The following ADGRG2 variants were observed in gnomAD, a reference collection of about 807,000 sequenced individuals.
The protein encoded by ADGRG2 is G protein-coupled receptor 64.
ADGRG2 carries 26 observed loss-of-function variants against 74.1 expected under a neutral mutation model. The ratio of observed to expected loss-of-function variants is 0.35; its 90% CI spans 0.26 to 0.49. The LOEUF (loss-of-function observed/expected upper bound fraction) is 0.49. Ranked by LOEUF, ADGRG2 falls within the 20% of genes least tolerant of loss-of-function variation. ADGRG2 has a pLI of 0.99. For synonymous variants in ADGRG2, 296 were observed against 295.2 expected, an observed-to-expected ratio of 1.00 and a Z score of -0.03; for missense variants, 619 against 763.1, an observed-to-expected ratio of 0.81 and a Z score of 2.22.
intron 2 of ADGRG2, among the ~76,000 whole-genome samples, chrX:19,071,480 T>C (rs1449420827): frequency 8.9e-6 from 1 of 111,791 alleles, no homozygotes; most frequent in Non-Finnish European, 1.9e-5. Context: ...ACAATCTCAG[T>C]GCAGCTCAGA....
At chrX:19,120,873 ATTTC>A (rs1484498022) in intron 1 of ADGRG2, among the ~76,000 whole-genome samples, 3 of 112,253 alleles carry the variant, frequency 2.7e-5, no homozygotes, top group African/African-American at 6.5e-5. Flanking sequence ...CCCAAAATAT[ATTTC>A]TTTGACATAT....
At chrX:19,080,189 C>T (rs192948413) in intron 2 of ADGRG2, among the ~76,000 whole-genome samples, 66 of 110,779 alleles carry the variant, frequency 6.0e-4, no homozygotes, top group African/African-American at 1.3e-3. Flanking sequence ...GGATTCTAGA[C>T]GTGAGCCACC....
intron 2 of ADGRG2, among the ~76,000 whole-genome samples, chrX:19,073,835 T>C (rs138830634): frequency 1.3e-4 from 15 of 111,834 alleles, no homozygotes; most frequent in African/African-American, 4.9e-4. Flanking sequence ...ATAAGAGGTA[T>C]GATAATTGTT....
chrX:19,024,601 T>C (rs2060661352), intron 11 of ADGRG2, among the ~76,000 whole-genome samples: 1 of 112,036 alleles, frequency 8.9e-6, no homozygotes, highest in African/African-American at 3.2e-5. Context: ...CTGGAGACAT[T>C]TTTGGTTGTT....
At chrX:18,995,816 G>T (rs1882745096) in intron 27 of ADGRG2, among the ~76,000 whole-genome samples, 1 of 112,132 alleles carries the variant, frequency 8.9e-6, no homozygotes, top group Non-Finnish European at 1.9e-5. Context: ...CTTCATTGAA[G>T]AGGCAGCCAG....
intron 14 of ADGRG2, 22 bp from the exon 15 acceptor site, chrX:19,019,687 G>A (rs371423007): frequency 2.0e-6 from 2 of 1,009,201 alleles, no homozygotes; most frequent in Non-Finnish European, 2.8e-6. Flanking sequence ...AAAAGGAAAA[G>A]GAGTAAGAAA....
chrX:19,047,907 A>G (rs1335239784), intron 3 of ADGRG2, among the ~76,000 whole-genome samples: 1 of 111,683 alleles, frequency 9.0e-6, no homozygotes, highest in Non-Finnish European at 1.9e-5. Flanking sequence ...ACACTGCTCA[A>G]TAAGTACTCT....
At chrX:19,050,209 T>G (rs2146814121) in intron 3 of ADGRG2, among the ~76,000 whole-genome samples, 1 of 111,480 alleles carries the variant, frequency 9.0e-6, no homozygotes, top group South Asian at 3.8e-4. Flanking sequence ...CAAAGAGACC[T>G]CTGAGAAGCA....
At chrX:19,023,554 A>G (rs1056900619) in intron 12 of ADGRG2, 101 bp from the exon 13 acceptor site, 2 of 499,506 alleles carry the variant, frequency 4.0e-6, no homozygotes, top group African/African-American at 4.8e-5. Context: ...TTTTAGAATC[A>G]CGAGAGCCCT....
At chrX:18,996,190 T>C in intron 26 of ADGRG2, 38 bp from the exon 27 acceptor site, 1 of 648,025 alleles carries the variant, frequency 1.5e-6, no homozygotes, top group Non-Finnish European at 2.6e-6. Context: ...AATTCCAAGC[T>C]AATAGCTGAA....
Position 19,041,730 on chromosome X carries a change from T to G in ADGRG2, c.119-1506A>C, listed in dbSNP as rs182056849. 4.5e-5 allele frequency among the ~76,000 whole-genome samples: 5 copies of G among 112,215 alleles called. No individual in the cohort carries two copies. In the East Asian group the frequency reaches 1.4e-3, roughly 32 times the overall value. The stretch of plus-strand genomic sequence containing the variant: ...TTTGGTGCCCTAATTTAATTGCAGT[T>G]ACTTCTTCCTTAGTCTCTGTTCTTC... On this transcript the variant is annotated intron_variant, in intron 3 of 28. Transcript: ENST00000379869.
intron 3 of ADGRG2, among the ~76,000 whole-genome samples, chrX:19,046,362 T>C (rs967947766): frequency 8.2e-4 from 92 of 112,319 alleles, no homozygotes; most frequent in Non-Finnish European, 3.9e-4. Flanking sequence ...TATCTTCAAG[T>C]ATTCATTGAC....
intron 1 of ADGRG2, among the ~76,000 whole-genome samples, chrX:19,101,429 G>T (rs767572311): frequency 1.5e-4 from 17 of 111,400 alleles, no homozygotes; most frequent in Admixed American, 2.9e-4. Context: ...AGCCAGGCAC[G>T]GTGGCTCACG....
intron 1 of ADGRG2, among the ~76,000 whole-genome samples, chrX:19,108,352 T>C (rs911371231): frequency 1.8e-5 from 2 of 111,303 alleles, no homozygotes; most frequent in Admixed American, 1.9e-4. Context: ...TAATCCTAAT[T>C]GCATTCAGAG....
intron 8 of ADGRG2, chrX:19,031,437 A>T (rs2060823261): frequency 7.9e-6 from 1 of 126,006 alleles, no homozygotes. Flanking sequence ...GAACACTCTA[A>T]TGTTAATCCT....
At chrX:19,025,623 C>T (rs775055257) in intron 11 of ADGRG2, among the ~76,000 whole-genome samples, 30 of 110,951 alleles carry the variant, frequency 2.7e-4, no homozygotes, top group Middle Eastern at 4.6e-3. Context: ...TGGCTGGGCA[C>T]GGTGGTTCAT....
intron 19 of ADGRG2, among the ~76,000 whole-genome samples, chrX:19,007,600 T>C (rs2060264486): frequency 8.9e-6 from 1 of 112,019 alleles, no homozygotes; most frequent in Non-Finnish European, 1.9e-5. Context: ...TGTGAATCTT[T>C]AAAGAGAACA....
intron 1 of ADGRG2, among the ~76,000 whole-genome samples, chrX:19,100,841 CAGAA>C (rs761850776): frequency 1.6e-4 from 18 of 113,132 alleles, no homozygotes; most frequent in African/African-American, 5.8e-4. Flanking sequence ...AAAAAGGAAA[CAGAA>C]AGATAACGAC....
chrX:19,074,902 C>G (rs1476902405), intron 2 of ADGRG2, among the ~76,000 whole-genome samples: 1 of 109,753 alleles, frequency 9.1e-6, no homozygotes, highest in Non-Finnish European at 1.9e-5. Context: ...AAAGAGCTGG[C>G]CAGATAGAAA....
Sources: allele counts gnomAD v4.1 joint callset (sites outside exome capture counted in the v4.1 genomes callset), GRCh38; gene constraint gnomAD v4.1.1; transcripts MANE v1.5; gene names NCBI Gene and HGNC (gene_info 2026-07-23, HGNC 2026-07-21).